GPR139: variants seen among roughly 807,000 people sequenced by gnomAD.
GPR139 encodes probable G protein-coupled receptor 139.
A neutral mutation model predicts 25.8 loss-of-function variants in GPR139; 12 were observed. The observed-to-expected ratio is 0.47, with a 90% CI of 0.30 to 0.75. GPR139 has a LOEUF of 0.75. Ranked by LOEUF, GPR139 falls within the 30% of genes least tolerant of loss-of-function variation. The pLI is 0.07. For missense variants in GPR139, 380 were observed against 450.2 expected (o/e 0.84, Z 1.41); for synonymous variants, 184 against 179.9 (o/e 1.02, Z -0.18).
At position 20,032,025 on chromosome 16, in the gene GPR139, G is replaced by T. The variant is rs1388412861; in HGVS notation, c.772C>A (p.Gln258Lys). The stretch of plus-strand genomic sequence containing the variant: ...ATGATGTGTACCAGCCAGCGGTTCT[G>T]GATGGGCGCCCCATAGAGGTGGTAA... ...ILYHLYGAPI[Q>K]NRWLVHIMSD... Residue 258 changes from glutamine to lysine, a missense_variant, in exon 2 of 2, where the codon CAG becomes AAG. Gln to Lys is a moderately conservative substitution (Grantham distance 53). Coordinates refer to ENST00000570682, the MANE Select transcript of GPR139 (RefSeq NM_001002911.4). 3 of 1,614,198 alleles carry T rather than the reference G, an allele frequency of 1.9e-6. No homozygotes were observed. The highest frequency in any genetic ancestry group is 2.5e-6 in the Non-Finnish European group (3 of 1,180,036).
In GPR139 at chr16:20,028,457, A is replaced by G. The variant is rs1218523113; in HGVS notation, c.*3278T>C. Among the ~76,000 whole-genome samples the G allele has an allele frequency of 6.6e-6, 1 of 152,224 alleles. No individual in the cohort carries two copies. Among genetic ancestry groups the G allele is most frequent in the East Asian group, 1.9e-4 (1 of 5,196 alleles). Reference sequence around the variant, plus strand: ...ATACAAACAAGTCCAAACACAATATATAATCTAATTAAGAAAATATGAACA... The same window carrying G: ...ATACAAACAAGTCCAAACACAATATGTAATCTAATTAAGAAAATATGAACA... On this transcript the variant is annotated 3_prime_UTR_variant, in exon 2 of 2. Coordinates refer to ENST00000570682, the MANE Select transcript of GPR139 (RefSeq NM_001002911.4).
Position 20,073,282 on chromosome 16 carries a change from T to TCG in GPR139, c.127+206_127+207dup, listed in dbSNP as rs1025136503. 4.6e-5 allele frequency among the ~76,000 whole-genome samples: 6 copies of TCG among 131,848 alleles called. No individual in the cohort carries two copies. Among genetic ancestry groups the TCG allele is most frequent in the East Asian group, 2.3e-4 (1 of 4,378 alleles). The allele number at this position is 131,848 out of a possible 152,430, so 86.5% of individuals were successfully genotyped here. Reference sequence around the variant, plus strand: ...CACACACACACACACACACACACGCTCGCGCGCGCACACACACACACACGG... The same window carrying TCG: ...CACACACACACACACACACACACGCTCGCGCGCGCGCACACACACACACACGG... On this transcript the variant is annotated intron_variant, in intron 1 of 1. Coordinates refer to ENST00000570682, the MANE Select transcript of GPR139 (RefSeq NM_001002911.4). The surrounding 1 kb of genome is among the most constrained non-coding windows in gnomAD (Gnocchi z 4.7).
chr16:20,052,258 G>C (rs1341765864), intron 1 of GPR139, among the ~76,000 whole-genome samples: 1 of 152,198 alleles, frequency 6.6e-6, no homozygotes, highest in Non-Finnish European at 1.5e-5. Flanking sequence ...AATGCCTCCA[G>C]CCTTTGCCTG....
chr16:20,060,681 A>C (rs1271693385), intron 1 of GPR139, among the ~76,000 whole-genome samples: 1 of 152,202 alleles, frequency 6.6e-6, no homozygotes, highest in African/African-American at 2.4e-5. Context: ...GTCCCAACTC[A>C]GGGTCAATTT....
intron 1 of GPR139, among the ~76,000 whole-genome samples, chr16:20,042,454 A>AG (rs1387183427): frequency 6.6e-6 from 1 of 152,088 alleles, no homozygotes; most frequent in Non-Finnish European, 1.5e-5. Context: ...GAAATTCTTC[A>AG]TTGCCTCTAC....
At chr16:20,063,081 T>C (rs2057419457) in intron 1 of GPR139, among the ~76,000 whole-genome samples, 1 of 152,188 alleles carries the variant, frequency 6.6e-6, no homozygotes, top group Non-Finnish European at 1.5e-5. Context: ...TTAATTGAAA[T>C]GAAATGAAAT....
intron 1 of GPR139, among the ~76,000 whole-genome samples, chr16:20,050,142 T>C (rs2057367114): frequency 6.6e-6 from 1 of 152,180 alleles, no homozygotes; most frequent in Admixed American, 6.5e-5. Context: ...CAGTAAGCTA[T>C]GGGAGCACTT....
chr16:20,070,462 A>C (rs2057455808), intron 1 of GPR139, among the ~76,000 whole-genome samples: 1 of 152,204 alleles, frequency 6.6e-6, no homozygotes, highest in African/African-American at 2.4e-5. Context: ...AAGAGTTCTT[A>C]AGTGGCAAAG....
intron 1 of GPR139, among the ~76,000 whole-genome samples, chr16:20,049,093 C>G (rs1173487407): frequency 6.6e-6 from 1 of 152,144 alleles, no homozygotes; most frequent in Non-Finnish European, 1.5e-5. Context: ...TCTTTATCAC[C>G]CATTCACTGG....
At position 20,031,304 on chromosome 16, in the gene GPR139, T is replaced by C. The variant is rs1467281547; in HGVS notation, c.*431A>G. Among the ~76,000 whole-genome samples, 2 of 152,000 alleles carry C rather than the reference T, an allele frequency of 1.3e-5. No individual in the cohort carries two copies. Among genetic ancestry groups the C allele is most frequent in the Non-Finnish European group, 2.9e-5 (2 of 67,978 alleles). On this transcript the variant is annotated 3_prime_UTR_variant, in exon 2 of 2. Coordinates refer to ENST00000570682, the MANE Select transcript of GPR139 (RefSeq NM_001002911.4). ...AGCTCCTGGGAACAGCAGAGGGAAG[T>C]GATGAATGACCTCAGCTCTCGGAAG...
intron 1 of GPR139, among the ~76,000 whole-genome samples, chr16:20,048,914 C>T (rs903661970): frequency 6.6e-6 from 1 of 152,200 alleles, no homozygotes; most frequent in Admixed American, 6.5e-5. Flanking sequence ...CACTTTCCTA[C>T]CTCCATAGCA....
intron 1 of GPR139, among the ~76,000 whole-genome samples, chr16:20,047,197 G>A (rs1341000055): frequency 1.3e-5 from 2 of 151,608 alleles, no homozygotes; most frequent in Non-Finnish European, 2.9e-5. Context: ...TGCAGGCTCC[G>A]TCTCCCAGGT....
In GPR139 at chr16:20,032,190, T is replaced by TC. The variant is rs749419119; in HGVS notation, c.606dup (p.Asn203GlufsTer116). 6.2e-7 allele frequency: 1 copy of TC among 1,613,974 alleles called. No individual in the cohort carries two copies. The highest frequency in any genetic ancestry group is 8.5e-7 in the Non-Finnish European group (1 of 1,179,976). On this transcript the variant is annotated frameshift_variant, in exon 2 of 2. Transcript: ENST00000570682. LOFTEE classifies it high-confidence loss of function. ...CTGAGCTTGTACACAATGATTGAGT[T>TC]CAAGATGAAGAAGATGGAGCAGGGC...
At position 20,028,917 on chromosome 16, in the gene GPR139, G is replaced by A. The variant is rs1183934926; in HGVS notation, c.*2818C>T. Among the ~76,000 whole-genome samples, 2 of 151,954 alleles carry A rather than the reference G, an allele frequency of 1.3e-5. No homozygotes were observed. The highest frequency in any genetic ancestry group is 3.9e-4 in the East Asian group (2 of 5,188). ...TACATGACAGGCTTCAAAGTTCAAG[G>A]CTTTATTGTCAAAACTGGCCTGAAA... On this transcript the variant is annotated 3_prime_UTR_variant, in exon 2 of 2. Transcript: ENST00000570682.
In GPR139 at chr16:20,031,843, G is replaced by C. The variant is rs868621318; in HGVS notation, c.954C>G (p.Asn318Lys). Residue 318 changes from asparagine to lysine, a missense_variant, in exon 2 of 2, where the codon AAC becomes AAG. Coordinates refer to ENST00000570682, the MANE Select transcript of GPR139 (RefSeq NM_001002911.4). ...TCCAGGGGCTACTTGTTATGGAAAA[G>C]TTATGATTGGTGTAGAACTGTACAG... Reference protein sequence around the residue: ...KQPVQFYTNHNFSITSSPWIS... With the variant: ...KQPVQFYTNHKFSITSSPWIS... 1.2e-6 allele frequency: 2 copies of C among 1,614,086 alleles called. No homozygotes were observed. Among genetic ancestry groups the C allele is most frequent in the African/African-American group, 2.7e-5 (2 of 74,934 alleles).
intron 1 of GPR139, among the ~76,000 whole-genome samples, chr16:20,068,256 A>AAAAAAAAAAG (rs1555467127): frequency 7.3e-5 from 10 of 137,694 alleles, no homozygotes; most frequent in African/African-American, 2.2e-4. Flanking sequence ...AAAAAAAAAA[A>AAAAAAAAAAG]AAGAAAGGAG....
At chr16:20,033,998 A>C (rs561261217) in intron 1 of GPR139, among the ~76,000 whole-genome samples, 2 of 151,514 alleles carry the variant, frequency 1.3e-5, no homozygotes, top group Admixed American at 6.6e-5. Context: ...TTTTAAAAAA[A>C]GTCTCCCTGA....
chr16:20,061,485 G>A (rs959524891), intron 1 of GPR139, among the ~76,000 whole-genome samples: 14 of 152,220 alleles, frequency 9.2e-5, no homozygotes, highest in African/African-American at 3.4e-4. Flanking sequence ...CTGGACAAAT[G>A]AGTCAATGAA....
chr16:20,070,445 A>G (rs2057455766), intron 1 of GPR139, among the ~76,000 whole-genome samples: 1 of 152,234 alleles, frequency 6.6e-6, no homozygotes, highest in Non-Finnish European at 1.5e-5. Context: ...TATGATGAAG[A>G]GAGGTGAAGA....
Sources: gnomAD v4.1 joint callset for allele counts (sites outside exome capture counted in the v4.1 genomes callset) on GRCh38, gnomAD v4.1.1 for gene constraint, Gnocchi (gnomAD v3.1) non-coding constraint, MANE v1.5 for transcripts, NCBI Gene and HGNC (gene_info 2026-07-23, HGNC 2026-07-21) for gene names.